EDEM1: variants seen among roughly 807,000 people sequenced by gnomAD.
EDEM1 encodes the protein ER degradation-enhancing alpha-mannosidase-like protein 1.
Under a neutral mutation model 74.4 loss-of-function variants are expected in EDEM1, and 67 were observed. That is an observed-to-expected ratio of 0.90 (90% CI 0.74 to 1.10). The LOEUF is 1.10. EDEM1 is among the 50% of genes least tolerant of loss of function. The probability of loss-of-function intolerance (pLI) is 0.00; values close to 1 mark genes in which losing one functional copy is unlikely to be tolerated. For missense variants in EDEM1, 926 were observed against 851.6 expected (o/e 1.09, Z -1.09); for synonymous variants, 382 against 335.9 (o/e 1.14, Z -1.50).
At chr3:5,207,306 A>C in intron 7 of EDEM1, 33 bp downstream of exon 7, 2 of 1,611,390 alleles carry the variant, frequency 1.2e-6, no homozygotes, top group Non-Finnish European at 1.7e-6. Flanking sequence ...AAGAATAACC[A>C]ATCACCAGAA....
chr3:5,215,950 G>A lies in EDEM1; in HGVS notation c.*32G>A, dbSNP rs979920299. 6.3e-7 allele frequency: 1 copy of A among 1,577,432 alleles called. No homozygotes were observed. The highest frequency in any genetic ancestry group is 8.7e-7 in the Non-Finnish European group (1 of 1,153,058). Reference sequence around the variant, plus strand: ...CTCTGTGAGGCCTCATCTTGAACCAGACCTTAACGACCAAACCCAGACCAT... The same window carrying A: ...CTCTGTGAGGCCTCATCTTGAACCAAACCTTAACGACCAAACCCAGACCAT... On this transcript the variant is annotated 3_prime_UTR_variant, in exon 12 of 12. Coordinates refer to ENST00000256497, the MANE Select transcript of EDEM1 (RefSeq NM_014674.3).
chr3:5,195,170 A>G (rs1265035670), intron 1 of EDEM1, 39 bp from the exon 2 acceptor site: 2 of 1,253,082 alleles, frequency 1.6e-6, no homozygotes, highest in East Asian at 2.6e-5. Context: ...TCTCTTTTGA[A>G]ATAAAGTCTT....
intron 10 of EDEM1, among the ~76,000 whole-genome samples, chr3:5,212,983 G>C (rs144604712): frequency 6.6e-6 from 1 of 152,332 alleles, no homozygotes; most frequent in Non-Finnish European, 1.5e-5. Context: ...TCCAGCAGGA[G>C]AACTCTTAGG....
At chr3:5,198,139 A>T (rs2244990) in intron 2 of EDEM1, among the ~76,000 whole-genome samples, 2 of 151,686 alleles carry the variant, frequency 1.3e-5, no homozygotes, top group African/African-American at 2.4e-5. Flanking sequence ...CCACCTTCCC[A>T]GGGGTTCAAG....
At position 5,200,477 on chromosome 3, in the gene EDEM1, C is replaced by CT. The variant is rs1559296070; in HGVS notation, c.686+783dup. ...TCTCTCTCTGTCTCTCTCTTTTTCT[C>CT]TATTTGTTTAGTGGATTGGGATCAT... is the stretch of plus-strand genomic sequence containing the variant. On this transcript the variant is annotated intron_variant, in intron 3 of 11. Coordinates refer to ENST00000256497, the MANE Select transcript of EDEM1 (RefSeq NM_014674.3). Among the ~76,000 whole-genome samples, 4 of 152,222 alleles carry CT rather than the reference C, an allele frequency of 2.6e-5. No homozygotes were observed. In the South Asian group the frequency reaches 6.2e-4, roughly 24 times the overall value.
In EDEM1 at chr3:5,210,243, A is replaced by C. The variant is rs751802972; in HGVS notation, c.1578A>C (p.Lys526Asn). ...TGCAGAGTCTGGAAAAGTACACAAA[A>C]GTCAAGTCAGTTTTCTAAGTTCCTA... ...DILQSLEKYT[K>N]VKCGYATLHH... is the part of the protein sequence containing the mutation. Residue 526 changes from lysine (K) to asparagine (N), a missense_variant, in exon 9 of 12, where the codon AAA (lysine) becomes AAC (asparagine). Transcript: ENST00000256497. 1.5e-5 allele frequency: 25 copies of C among 1,614,020 alleles called. No homozygotes were observed. The East Asian group carries it at 5.6e-4, about 36-fold the overall frequency.
chr3:5,208,655 T>C (rs1450164618), intron 8 of EDEM1, among the ~76,000 whole-genome samples: 3 of 152,020 alleles, frequency 2.0e-5, no homozygotes, highest in Non-Finnish European at 4.4e-5. Context: ...GTAACAACTA[T>C]TCAGACAAAA....
chr3:5,217,560 C>T lies in EDEM1; in HGVS notation c.*1642C>T, dbSNP rs911871348. ...TGTTATGGTTTTATATAGTTCAGTTCTTTGAGATTTTTGAAAAGAGTATTT... is the reference window on the plus strand; with the variant it reads ...TGTTATGGTTTTATATAGTTCAGTTTTTTGAGATTTTTGAAAAGAGTATTT... On this transcript the variant is annotated 3_prime_UTR_variant, in exon 12 of 12. Coordinates refer to ENST00000256497, the MANE Select transcript of EDEM1 (RefSeq NM_014674.3). 3.9e-5 allele frequency: 6 copies of T among 152,520 alleles called. No homozygotes were observed. Among genetic ancestry groups the T allele is most frequent in the South Asian group, 2.1e-4 (1 of 4,830 alleles). The allele number at this position is 152,520 out of a possible 1,614,324, so 9.4% of individuals were successfully genotyped here.
In EDEM1 at chr3:5,195,054, G is replaced by T. The variant is rs187663525; in HGVS notation, c.510-155G>T. On this transcript the variant is annotated intron_variant, in intron 1 of 11. Coordinates refer to ENST00000256497, the MANE Select transcript of EDEM1 (RefSeq NM_014674.3). ...TGGACACCATAGAAAGTGTTACTTT[G>T]GGGGTAGAAAGACCTTTGCTGTATT... 111 of 434,754 alleles carry T rather than the reference G, an allele frequency of 2.6e-4. 2 individuals are homozygous for T. The highest frequency in any genetic ancestry group is 2.1e-3 in the Admixed American group (48 of 23,248). The allele number at this position is 434,754 out of a possible 1,614,324, so 26.9% of individuals were successfully genotyped here. A position where few individuals can be genotyped will look rare whatever the true frequency, so the allele number is the denominator to read the frequency against.
chr3:5,194,212 C>G (rs2054935604), intron 1 of EDEM1, among the ~76,000 whole-genome samples: 1 of 152,226 alleles, frequency 6.6e-6, no homozygotes, highest in Non-Finnish European at 1.5e-5. Context: ...GGAAATAAAA[C>G]TGGAGCTTTT....
intron 11 of EDEM1, among the ~76,000 whole-genome samples, chr3:5,214,459 C>T (rs759281528): frequency 1.4e-4 from 22 of 152,160 alleles, no homozygotes; most frequent in African/African-American, 2.2e-4. Context: ...ACCACCCCCG[C>T]CCCCATTTCC....
intron 1 of EDEM1, among the ~76,000 whole-genome samples, chr3:5,192,323 A>G (rs1009671352): frequency 1.3e-5 from 2 of 152,210 alleles, no homozygotes; most frequent in East Asian, 1.9e-4. Flanking sequence ...CTGTGCCTAC[A>G]CCACACCAGG....
At position 5,205,203 on chromosome 3, in the gene EDEM1, T is replaced by C. The variant is rs763571562; in HGVS notation, c.1179T>C (p.Asn393=). 10 of 1,614,224 alleles carry C rather than the reference T, an allele frequency of 6.2e-6. No individual in the cohort carries two copies. The South Asian group carries it at 1.1e-4, about 18-fold the overall frequency. Residue 393 remains asparagine, a synonymous_variant, in exon 6 of 12, where the codon AAT becomes AAC. Transcript: ENST00000256497. The part of the protein sequence containing the change: ...FGEKEDLEMF[N]AAYQSIQNYL... ...AAAAAGAAGACCTAGAAATGTTTAATGCTGCATATCAGAGTATTCAGAACT... is the reference window on the plus strand; with the variant it reads ...AAAAAGAAGACCTAGAAATGTTTAACGCTGCATATCAGAGTATTCAGAACT...
At chr3:5,201,718 C>G (rs377578367) in intron 3 of EDEM1, 35 bp from the exon 4 acceptor site, 1 of 1,611,306 alleles carries the variant, frequency 6.2e-7, no homozygotes, top group East Asian at 2.2e-5. Flanking sequence ...ACAAGCAACA[C>G]GATTGTATTA....
chr3:5,207,016 CA>C, intron 6 of EDEM1, 136 bp from the exon 7 acceptor site: 2 of 1,156,578 alleles, frequency 1.7e-6, no homozygotes, highest in South Asian at 3.1e-5. Flanking sequence ...AGTCTGTCTG[CA>C]GAGGTTTAAG....
chr3:5,196,351 A>G (rs1228981308), intron 2 of EDEM1, among the ~76,000 whole-genome samples: 1 of 152,110 alleles, frequency 6.6e-6, no homozygotes, highest in Non-Finnish European at 1.5e-5. Flanking sequence ...CAGCTCTTCA[A>G]GAGGCTGAGG....
rs1438673674 is a variant in EDEM1, at chr3:5,207,239, T to C, written c.1304T>C (p.Ile435Thr). The change falls in exon 7 of 12, where the codon ATT (isoleucine) becomes ACT (threonine). Residue 435 changes from isoleucine (I) to threonine (T), a missense_variant. Coordinates refer to ENST00000256497, the MANE Select transcript of EDEM1 (RefSeq NM_014674.3). Reference sequence around the variant, plus strand: ...AGTGGGCAGCTGATGAACACCTGGATTGACTCTCTGCAGGCCTTTTTCCCT... The same window carrying C: ...AGTGGGCAGCTGATGAACACCTGGACTGACTCTCTGCAGGCCTTTTTCCCT... ...MFSGQLMNTW[I>T]DSLQAFFPGL... The C allele has an allele frequency of 1.9e-6, 3 of 1,614,058 alleles. No individual in the cohort carries two copies. Among genetic ancestry groups the C allele is most frequent in the East Asian group, 2.2e-5 (1 of 44,886 alleles).
chr3:5,205,934 A>G (rs1251437592), intron 6 of EDEM1, among the ~76,000 whole-genome samples: 1 of 152,066 alleles, frequency 6.6e-6, no homozygotes, highest in Non-Finnish European at 1.5e-5. Flanking sequence ...CTGCTACTAC[A>G]GGGGCTGACA....
intron 11 of EDEM1, 67 bp downstream of exon 11, chr3:5,213,589 G>C: frequency 6.9e-7 from 1 of 1,448,216 alleles, no homozygotes; most frequent in Non-Finnish European, 9.3e-7. Flanking sequence ...TTGCTTAGTT[G>C]TTCAGACTTC....
Sources: allele counts gnomAD v4.1 joint callset (sites outside exome capture counted in the v4.1 genomes callset), GRCh38; gene constraint gnomAD v4.1.1; transcripts MANE v1.5; gene names NCBI Gene and HGNC (gene_info 2026-07-23, HGNC 2026-07-21).